PLEKHA1: variants seen among roughly 807,000 people sequenced by gnomAD.
PLEKHA1 encodes pleckstrin homology domain containing A1.
In PLEKHA1, 34 loss-of-function variants were observed where a neutral mutation model predicts 52.0. The observed-to-expected ratio is 0.65, with a 90% CI of 0.50 to 0.87. PLEKHA1 has a LOEUF of 0.87. Ranked by LOEUF, PLEKHA1 falls within the 40% of genes least tolerant of loss-of-function variation. PLEKHA1 has a pLI of 0.00. For missense variants in PLEKHA1, 497 were observed against 504.2 expected, an observed-to-expected ratio of 0.99 and a Z score of 0.14; for synonymous variants, 163 against 170.7, an observed-to-expected ratio of 0.95 and a Z score of 0.35.
At chr10:122,376,027 A>C (rs1207986907) in intron 1 of PLEKHA1, among the ~76,000 whole-genome samples, 1 of 152,044 alleles carries the variant, frequency 6.6e-6, no homozygotes, top group Non-Finnish European at 1.5e-5. Flanking sequence ...AATCTGCTTT[A>C]TTTTCCCAAG....
chr10:122,398,860 AC>A (rs2096887852), intron 3 of PLEKHA1, among the ~76,000 whole-genome samples: 1 of 152,168 alleles, frequency 6.6e-6, no homozygotes, highest in Non-Finnish European at 1.5e-5. Context: ...ATTCTCATTG[AC>A]CAAAAAGAAA....
rs2097412503 is a variant in PLEKHA1 at position 122,431,124 on chromosome 10, T to TG, written c.*1187dup. 1 of 121,264 alleles carries TG rather than the reference T, an allele frequency of 8.2e-6. No individual in the cohort carries two copies. The highest frequency in any genetic ancestry group is 2.8e-5 in the African/African-American group (1 of 35,680). 7.5% of individuals were successfully genotyped at this position (121,264 alleles called of 1,614,324 possible). A position where few individuals can be genotyped will look rare whatever the true frequency, so the allele number is the denominator to read the frequency against. ...ATTATAGACCAGTTTGAGTAAGTAC[T>TG]GCTTTTTTTTTTTGGAGACGGGCTC... On this transcript the variant is annotated 3_prime_UTR_variant, in exon 12 of 12. Transcript: ENST00000368990.
chr10:122,392,220 T>C (rs1590376378), intron 1 of PLEKHA1: 1 of 152,272 alleles, frequency 6.6e-6, no homozygotes, highest in East Asian at 1.9e-4. Context: ...TCTATTTTAA[T>C]CTATAATGTC....
the PLEKHA1 span, chr10:122,438,526 T>G: frequency 6.6e-6 from 1 of 152,238 alleles, no homozygotes; most frequent in African/African-American, 2.4e-5. Flanking sequence ...AGTCTCTGCC[T>G]TAGTCTCAGT....
At chr10:122,406,746 C>A in intron 5 of PLEKHA1, 73 bp downstream of exon 5, 2 of 1,097,866 alleles carry the variant, frequency 1.8e-6, no homozygotes, top group Non-Finnish European at 2.8e-6. Context: ...ATACACCTAC[C>A]AAATGTTCCC....
chr10:122,428,369 G>A (rs752790697), intron 11 of PLEKHA1: 3 of 1,543,546 alleles, frequency 1.9e-6, no homozygotes, highest in South Asian at 2.4e-5. Flanking sequence ...TCACGCAAAC[G>A]TGCCTTCTTA....
intron 2 of PLEKHA1, among the ~76,000 whole-genome samples, chr10:122,396,485 A>C (rs764266484): frequency 1.3e-5 from 2 of 152,248 alleles, no homozygotes; most frequent in South Asian, 4.1e-4. Context: ...TGTACGTAGT[A>C]TATAGTTTAA....
Position 122,375,756 on chromosome 10 carries a change from G to A in PLEKHA1, c.-21+950G>A, listed in dbSNP as rs538015311. On this transcript the variant is annotated intron_variant, in intron 1 of 11. Coordinates refer to ENST00000368990, the MANE Select transcript of PLEKHA1 (RefSeq NM_001001974.4). ...GCTCTCTGGGGGCAGTACAAGAAGA[G>A]GTTCAAGGAACAAATAAATATCCAG... 6.6e-5 allele frequency among the ~76,000 whole-genome samples: 10 copies of A among 152,258 alleles called. No individual in the cohort carries two copies. The South Asian group carries it at 2.1e-3, about 32-fold the overall frequency.
chr10:122,392,348 C>A (rs2096787721), intron 1 of PLEKHA1: 1 of 151,114 alleles, frequency 6.6e-6, no homozygotes, highest in African/African-American at 2.4e-5. Context: ...TTAGCATGTT[C>A]CTCTGTGTTC....
chr10:122,432,407 T>C (rs1169653950), downstream of PLEKHA1: 1 of 152,214 alleles, frequency 6.6e-6, no homozygotes, highest in East Asian at 1.9e-4. Flanking sequence ...ATACAATGAT[T>C]AGGGGTGTGT....
In PLEKHA1 at chr10:122,417,958, A is replaced by G. The variant is rs1565289165; in HGVS notation, c.671A>G (p.Lys224Arg). 6.2e-7 allele frequency: 1 copy of G among 1,609,406 alleles called. No individual in the cohort carries two copies. The highest frequency in any genetic ancestry group is 1.7e-5 in the Admixed American group (1 of 59,982). Residue 224 changes from lysine to arginine, a missense_variant, in exon 8 of 12, where the codon AAA (lysine) becomes AGA (arginine). Transcript: ENST00000368990. ...QLDENTIGYFKSELEKEPLRV... is the reference protein window; with the variant it reads ...QLDENTIGYFRSELEKEPLRV... ...GATGAAAACACAATAGGCTACTTCA[A>G]ATCTGAACTGGTATGTTGTTACGTC...
intron 1 of PLEKHA1, among the ~76,000 whole-genome samples, chr10:122,380,168 T>C (rs539119023): frequency 6.6e-6 from 1 of 152,328 alleles, no homozygotes; most frequent in Admixed American, 6.5e-5. Context: ...AAGAAACAAC[T>C]TTCTATCTGG....
At chr10:122,383,625 A>G (rs1048281436) in intron 1 of PLEKHA1, among the ~76,000 whole-genome samples, 11 of 152,016 alleles carry the variant, frequency 7.2e-5, no homozygotes, top group African/African-American at 2.2e-4. Flanking sequence ...CCCCAGATAA[A>G]TAACATTTAT....
At chr10:122,432,937 A>G (rs2097425171), downstream of PLEKHA1, 1 of 152,234 alleles carries the variant, frequency 6.6e-6, no homozygotes, top group Non-Finnish European at 1.5e-5. Flanking sequence ...AACTTCCCAC[A>G]TTAGAGAAAA....
intron 4 of PLEKHA1, among the ~76,000 whole-genome samples, chr10:122,401,012 G>C (rs1476263806): frequency 6.6e-6 from 1 of 152,226 alleles, no homozygotes; most frequent in Non-Finnish European, 1.5e-5. Context: ...TTATTGGGGA[G>C]CTCAGGAGTC....
intron 5 of PLEKHA1, among the ~76,000 whole-genome samples, chr10:122,408,561 T>C (rs1401799916): frequency 6.6e-6 from 1 of 152,204 alleles, no homozygotes; most frequent in Non-Finnish European, 1.5e-5. Flanking sequence ...AAATCCTTAT[T>C]ACTTAATAAA....
chr10:122,433,526 GTTC>G (rs1382876986), downstream of PLEKHA1: 6 of 3,310 alleles, frequency 1.8e-3, no homozygotes, highest in African/African-American at 3.3e-3. Flanking sequence ...TAGGCTTAGT[GTTC>G]TTTTTTTTTT....
intron 1 of PLEKHA1, among the ~76,000 whole-genome samples, chr10:122,381,506 T>C (rs1046843303): frequency 6.8e-5 from 10 of 146,236 alleles, no homozygotes; most frequent in Admixed American, 3.4e-4. Flanking sequence ...ACCTCTCTCT[T>C]CTCTCTTTCT....
the PLEKHA1 span, chr10:122,442,327 A>T: frequency 1.9e-4 from 29 of 152,184 alleles, no homozygotes; most frequent in African/African-American, 6.3e-4. Flanking sequence ...TGTTTTGTTT[A>T]AAAAAAGAAT....
Sources: gnomAD v4.1 joint callset for allele counts (sites outside exome capture counted in the v4.1 genomes callset) on GRCh38, gnomAD v4.1.1 for gene constraint, MANE v1.5 for transcripts, NCBI Gene and HGNC (gene_info 2026-07-23, HGNC 2026-07-21) for gene names.